VSTM2L: variants seen among roughly 807,000 people sequenced by gnomAD.
VSTM2L encodes the protein V-set and transmembrane domain-containing protein 2-like protein.
Under a neutral mutation model 19.9 loss-of-function variants are expected in VSTM2L, and 9 were observed. The ratio of observed to expected loss-of-function variants is 0.45; its 90% CI spans 0.27 to 0.79. The LOEUF (loss-of-function observed/expected upper bound fraction) is 0.79, where lower values mean the gene tolerates loss of function less well. Ranked by LOEUF, VSTM2L falls within the 30% of genes least tolerant of loss-of-function variation. The probability of loss-of-function intolerance (pLI) is 0.15; values close to 1 mark genes in which losing one functional copy is unlikely to be tolerated. For missense variants in VSTM2L, 286 were observed against 295.5 expected (o/e 0.97, Z 0.24); for synonymous variants, 127 against 133.8 (o/e 0.95, Z 0.35).
At chr20:37,911,259 A>T (rs1261153620) in intron 1 of VSTM2L, among the ~76,000 whole-genome samples, 4 of 131,844 alleles carry the variant, frequency 3.0e-5, no homozygotes, top group Admixed American at 7.6e-5. Context: ...AAAAAAAAAA[A>T]GCTGGGATGA....
intron 1 of VSTM2L, among the ~76,000 whole-genome samples, chr20:37,914,631 G>A (rs79605391): frequency 0.069 from 10,533 of 151,864 alleles, 507 homozygotes; most frequent in Middle Eastern, 0.15. Flanking sequence ...CCCGGCTCCT[G>A]GCTCCCCTGT....
chr20:37,920,417 G>A (rs2072843624), intron 1 of VSTM2L, among the ~76,000 whole-genome samples: 1 of 152,268 alleles, frequency 6.6e-6, no homozygotes, highest in Non-Finnish European at 1.5e-5. Flanking sequence ...CAAGGGTTGG[G>A]GAGCTACTGG....
At chr20:37,911,135 G>A (rs571107771) in intron 1 of VSTM2L, among the ~76,000 whole-genome samples, 15 of 151,012 alleles carry the variant, frequency 9.9e-5, no homozygotes, top group Non-Finnish European at 2.1e-4. Context: ...GCCGGGCATG[G>A]TGGCGGGCAC....
intron 2 of VSTM2L, among the ~76,000 whole-genome samples, chr20:37,932,967 G>T (rs1261335557): frequency 6.6e-6 from 1 of 152,202 alleles, no homozygotes; most frequent in Non-Finnish European, 1.5e-5. Context: ...TGCTCCTGGG[G>T]GTGTCAGCTC....
rs532819005 is a variant in VSTM2L at position 37,944,196 on chromosome 20, C to T, written c.558C>T (p.Pro186=). 1.7e-5 allele frequency: 26 copies of T among 1,539,666 alleles called. No individual in the cohort carries two copies. The African/African-American group carries it at 3.3e-4, about 20-fold the overall frequency. Residue 186 remains proline, a synonymous_variant, in exon 4 of 4, where the codon CCC becomes CCT. Coordinates refer to ENST00000373461, the MANE Select transcript of VSTM2L (RefSeq NM_080607.3). ...CCGCCGCGCCCGCCCCGCCGCCCCC[C>T]AAGCCAGGCAAGGAGCTGAGGAAGC... is the stretch of plus-strand genomic sequence containing the variant. The part of the protein sequence containing the change: ...APPAAPAPPP[P]KPGKELRKRS...
At chr20:37,907,178 C>T (rs1395463712) in intron 1 of VSTM2L, among the ~76,000 whole-genome samples, 1 of 152,234 alleles carries the variant, frequency 6.6e-6, no homozygotes, top group Non-Finnish European at 1.5e-5. Context: ...ACAATCTCAG[C>T]TTACTGCAAC....
chr20:37,934,179 C>A (rs2072926690), intron 3 of VSTM2L, among the ~76,000 whole-genome samples: 2 of 152,330 alleles, frequency 1.3e-5, no homozygotes, highest in South Asian at 4.1e-4. Context: ...TGCTGAGCTA[C>A]CTGGCTTCAG....
Position 37,944,043 on chromosome 20 carries a change from G to A in VSTM2L, c.405G>A (p.Thr135=), listed in dbSNP as rs773296427. The A allele has an allele frequency of 8.1e-6, 13 of 1,610,092 alleles. No homozygotes were observed. Among genetic ancestry groups the A allele is most frequent in the South Asian group, 4.4e-5 (4 of 90,816 alleles). The change falls in exon 4 of 4, where the codon ACG becomes ACA. Residue 135 remains threonine (T), a synonymous_variant. Transcript: ENST00000373461. ...TGCGCCTGTCCCGGGTGAAGCCCAC[G>A]GACGAAGGCACCTACGAGTGCCGCG... ...HKLRLSRVKP[T]DEGTYECRVI...
chr20:37,931,680 A>C lies in VSTM2L; in HGVS notation c.167A>C (p.Glu56Ala), dbSNP rs1568841008. The C allele has an allele frequency of 6.2e-7, 1 of 1,613,532 alleles. No individual in the cohort carries two copies. Among genetic ancestry groups the C allele is most frequent in the Non-Finnish European group, 8.5e-7 (1 of 1,179,988 alleles). ...CATGACATGACAGCACGGACGGGCG[A>C]GGACGTGGAGATGGCCTGCTCCTTC... ...TPHDMTARTG[E>A]DVEMACSFRG... Residue 56 changes from glutamate to alanine, a missense_variant, in exon 2 of 4, where the codon GAG becomes GCG. Transcript: ENST00000373461.
chr20:37,936,420 C>T (rs1327348671), intron 3 of VSTM2L, among the ~76,000 whole-genome samples: 1 of 152,210 alleles, frequency 6.6e-6, no homozygotes, highest in Non-Finnish European at 1.5e-5. Context: ...TTTTGAAAAA[C>T]ACTGTCTAAG....
intron 1 of VSTM2L, among the ~76,000 whole-genome samples, chr20:37,924,892 T>TA (rs1386913790): frequency 2.6e-5 from 4 of 152,182 alleles, no homozygotes; most frequent in Non-Finnish European, 4.4e-5. Flanking sequence ...AGCTGAATTT[T>TA]ACCTGATAAC....
At chr20:37,936,489 C>T (rs551873819) in intron 3 of VSTM2L, among the ~76,000 whole-genome samples, 3 of 152,320 alleles carry the variant, frequency 2.0e-5, no homozygotes, top group South Asian at 2.1e-4. Flanking sequence ...AGATCATTTA[C>T]GTCAGAGGAC....
chr20:37,944,285 C>T lies in VSTM2L; in HGVS notation c.*32C>T, dbSNP rs1178031333. 7 of 1,457,144 alleles carry T rather than the reference C, an allele frequency of 4.8e-6. No individual in the cohort carries two copies. Among genetic ancestry groups the T allele is most frequent in the Non-Finnish European group, 5.5e-6 (6 of 1,097,916 alleles). 90.3% of individuals were successfully genotyped at this position (1,457,144 alleles called of 1,614,324 possible). A position where few individuals can be genotyped will look rare whatever the true frequency, so the allele number is the denominator to read the frequency against. ...GCCCCTGCCCCCGCCCATCCGCCCCCACGCTGTACAGAGTGCATGAGGAGC... is the reference window on the plus strand; with the variant it reads ...GCCCCTGCCCCCGCCCATCCGCCCCTACGCTGTACAGAGTGCATGAGGAGC... On this transcript the variant is annotated 3_prime_UTR_variant, in exon 4 of 4. Transcript: ENST00000373461.
chr20:37,903,253 G>A lies in VSTM2L; in HGVS notation c.-98G>A. ...GGCGAGGGGCAGCTGCCGGAGCCGGGCAGCCAGGCCGCTCAGGGCAGGGGA... is the reference window on the plus strand; with the variant it reads ...GGCGAGGGGCAGCTGCCGGAGCCGGACAGCCAGGCCGCTCAGGGCAGGGGA... On this transcript the variant is annotated 5_prime_UTR_variant, in exon 1 of 4. Transcript: ENST00000373461. The A allele has an allele frequency of 8.1e-7, 1 of 1,237,322 alleles. No homozygotes were observed. The highest frequency in any genetic ancestry group is 1.0e-6 in the Non-Finnish European group (1 of 987,774). The allele number at this position is 1,237,322 out of a possible 1,614,324, so 76.6% of individuals were successfully genotyped here.
intron 2 of VSTM2L, among the ~76,000 whole-genome samples, chr20:37,932,223 C>T (rs1012154578): frequency 6.6e-6 from 1 of 152,188 alleles, no homozygotes; most frequent in African/African-American, 2.4e-5. Flanking sequence ...GCTGAGTTCA[C>T]TCACAGGCAC....
intron 3 of VSTM2L, among the ~76,000 whole-genome samples, chr20:37,936,810 C>T (rs1420209856): frequency 6.6e-6 from 1 of 152,114 alleles, no homozygotes; most frequent in Non-Finnish European, 1.5e-5. Flanking sequence ...TGTAAAGTGC[C>T]ATGGATTAGG....
At chr20:37,910,230 A>G (rs542525962) in intron 1 of VSTM2L, among the ~76,000 whole-genome samples, 1 of 152,364 alleles carries the variant, frequency 6.6e-6, no homozygotes, top group Admixed American at 6.5e-5. Flanking sequence ...TTAGGATGAG[A>G]CTAATGGGGG....
intron 3 of VSTM2L, among the ~76,000 whole-genome samples, chr20:37,935,303 T>C (rs1172331687): frequency 1.3e-5 from 2 of 152,224 alleles, no homozygotes; most frequent in East Asian, 3.8e-4. Context: ...CAGACAGGCA[T>C]GGGCCAAGCT....
At chr20:37,925,403 A>T (rs1001910357) in intron 1 of VSTM2L, among the ~76,000 whole-genome samples, 1 of 152,104 alleles carries the variant, frequency 6.6e-6, no homozygotes, top group Non-Finnish European at 1.5e-5. Flanking sequence ...GAGAGGGGAG[A>T]GAGTCTCTGG....
Sources: gnomAD v4.1 joint callset for allele counts (sites outside exome capture counted in the v4.1 genomes callset) on GRCh38, gnomAD v4.1.1 for gene constraint, MANE v1.5 for transcripts, NCBI Gene and HGNC (gene_info 2026-07-23, HGNC 2026-07-21) for gene names.